Variants in CCSER1 observed in about 807,000 individuals in gnomAD.
CCSER1 encodes the protein coiled-coil serine rich protein 1.
CCSER1 carries 41 observed loss-of-function variants against 82.0 expected under a neutral mutation model. The observed-to-expected ratio is 0.50, with a 90% CI of 0.39 to 0.65. The LOEUF is 0.65. Ranked by LOEUF, CCSER1 falls within the 30% of genes least tolerant of loss-of-function variation. The pLI is 0.00. For missense variants in CCSER1, 1,119 were observed against 1,064.2 expected (o/e 1.05, Z -0.72); for synonymous variants, 414 against 383.9 (o/e 1.08, Z -0.92).
At chr4:90,625,070 A>G (rs576461489) in intron 5 of CCSER1, among the ~76,000 whole-genome samples, 7 of 152,314 alleles carry the variant, frequency 4.6e-5, no homozygotes, top group Non-Finnish European at 8.8e-5. Context: ...TCTTGAAACT[A>G]TAATAATTCA....
chr4:91,478,056 G>A (rs1168750983), intron 10 of CCSER1, among the ~76,000 whole-genome samples: 1 of 151,670 alleles, frequency 6.6e-6, no homozygotes, highest in Non-Finnish European at 1.5e-5. Context: ...CATATTTATT[G>A]GTTTATAAGT....
chr4:90,467,929 A>AT (rs1431214780), intron 4 of CCSER1, among the ~76,000 whole-genome samples: 4 of 152,144 alleles, frequency 2.6e-5, no homozygotes, highest in African/African-American at 9.7e-5. Flanking sequence ...GCAAAGATTC[A>AT]TTTAACTGTT....
At chr4:91,409,740 G>A (rs1448616036) in intron 10 of CCSER1, among the ~76,000 whole-genome samples, 1 of 151,952 alleles carries the variant, frequency 6.6e-6, no homozygotes, top group African/African-American at 2.4e-5. Flanking sequence ...AGGCTGGAAT[G>A]CAGTGGCACT....
intron 5 of CCSER1, among the ~76,000 whole-genome samples, chr4:90,554,949 C>T (rs1015134324): frequency 2.6e-5 from 4 of 152,086 alleles, no homozygotes; most frequent in African/African-American, 4.8e-5. Flanking sequence ...GGCAGTAACA[C>T]GAAGGATCTA....
chr4:90,722,371 T>G (rs1392146554), intron 6 of CCSER1, among the ~76,000 whole-genome samples: 2 of 151,868 alleles, frequency 1.3e-5, no homozygotes, highest in Admixed American at 1.3e-4. Flanking sequence ...GAGTCTTTTT[T>G]TCTGTGTTTT....
chr4:91,098,773 T>G (rs1288759686), intron 10 of CCSER1, among the ~76,000 whole-genome samples: 1 of 152,084 alleles, frequency 6.6e-6, no homozygotes, highest in African/African-American at 2.4e-5. Context: ...GATCTCCTGA[T>G]GTCGTGATCT....
intron 8 of CCSER1, among the ~76,000 whole-genome samples, chr4:90,902,477 C>T (rs1034476797): frequency 1.4e-4 from 21 of 151,464 alleles, no homozygotes; most frequent in Admixed American, 9.9e-4. Context: ...GTATTCCTTT[C>T]TCCCTTGAAT....
intron 10 of CCSER1, among the ~76,000 whole-genome samples, chr4:91,334,171 T>A (rs770405119): frequency 1.6e-4 from 25 of 152,126 alleles, no homozygotes; most frequent in Non-Finnish European, 2.8e-4. Context: ...AATTATGTGA[T>A]AATAGCGACA....
chr4:90,488,887 G>C (rs1424964178), intron 5 of CCSER1, among the ~76,000 whole-genome samples: 1 of 152,128 alleles, frequency 6.6e-6, no homozygotes, highest in Non-Finnish European at 1.5e-5. Context: ...CTTGTGCAGA[G>C]GAGAGGGATA....
intron 7 of CCSER1, among the ~76,000 whole-genome samples, chr4:90,812,383 C>A (rs1156791649): frequency 6.6e-6 from 1 of 152,122 alleles, no homozygotes; most frequent in African/African-American, 2.4e-5. Flanking sequence ...TCAGTATTAA[C>A]CATCACACCA....
chr4:91,398,117 A>G (rs1578359537), intron 10 of CCSER1, among the ~76,000 whole-genome samples: 1 of 152,052 alleles, frequency 6.6e-6, no homozygotes, highest in Admixed American at 6.6e-5. Context: ...CATGATTATA[A>G]TAGTTATTTT....
At chr4:91,051,396 G>A (rs1225211559) in intron 9 of CCSER1, among the ~76,000 whole-genome samples, 1 of 152,040 alleles carries the variant, frequency 6.6e-6, no homozygotes, top group Non-Finnish European at 1.5e-5. Flanking sequence ...AATTGCTATT[G>A]GGGATGCTTG....
chr4:90,836,004 T>C (rs563242075), intron 8 of CCSER1, among the ~76,000 whole-genome samples: 1 of 152,338 alleles, frequency 6.6e-6, no homozygotes, highest in African/African-American at 2.4e-5. Context: ...CTTAAGTTTA[T>C]GTCAGGATTT....
chr4:90,653,773 A>G (rs1302806056), intron 6 of CCSER1, among the ~76,000 whole-genome samples: 1 of 152,158 alleles, frequency 6.6e-6, no homozygotes, highest in Non-Finnish European at 1.5e-5. Flanking sequence ...GCATTAGTTA[A>G]TTTAAATCTT....
chr4:91,175,401 G>A (rs1733228161), intron 10 of CCSER1, among the ~76,000 whole-genome samples: 1 of 152,162 alleles, frequency 6.6e-6, no homozygotes, highest in African/African-American at 2.4e-5. Flanking sequence ...TCGCCACACT[G>A]CCTTCCACAA....
chr4:90,920,993 A>G (rs1052309233), intron 8 of CCSER1, among the ~76,000 whole-genome samples: 2 of 151,714 alleles, frequency 1.3e-5, no homozygotes, highest in Non-Finnish European at 3.0e-5. Flanking sequence ...CTGATAAAAT[A>G]TATATATTTA....
intron 5 of CCSER1, among the ~76,000 whole-genome samples, chr4:90,515,269 A>T (rs776882668): frequency 6.6e-6 from 1 of 152,222 alleles, no homozygotes; most frequent in Non-Finnish European, 1.5e-5. Context: ...TGACATTTAA[A>T]ATTCTTGTTG....
intron 6 of CCSER1, among the ~76,000 whole-genome samples, chr4:90,662,493 T>C (rs1168841230): frequency 6.6e-6 from 1 of 152,158 alleles, no homozygotes; most frequent in Non-Finnish European, 1.5e-5. Context: ...ATTATAATGT[T>C]CTGTGAGTAA....
At chr4:90,448,444 A>AATATGTAT (rs1760973066) in intron 4 of CCSER1, among the ~76,000 whole-genome samples, 3 of 44,074 alleles carry the variant, frequency 6.8e-5, no homozygotes, top group Non-Finnish European at 1.0e-4. Flanking sequence ...AGGTGAATTG[A>AATATGTAT]ATATATATAT....
Sources: allele counts gnomAD v4.1 joint callset (sites outside exome capture counted in the v4.1 genomes callset), GRCh38; gene constraint gnomAD v4.1.1; transcripts MANE v1.5; gene names NCBI Gene and HGNC (gene_info 2026-07-23, HGNC 2026-07-21).